Variants in MYLK observed in about 807,000 individuals in gnomAD.
MYLK encodes myosin light chain kinase, smooth muscle.
A neutral mutation model predicts 203.4 loss-of-function variants in MYLK; 106 were observed. The observed-to-expected ratio is 0.52, with a 90% CI of 0.45 to 0.61. MYLK has a LOEUF of 0.61. Among genes scored for constraint, MYLK ranks in the 20% least tolerant of loss-of-function variants. The pLI, the probability that MYLK is intolerant of heterozygous loss-of-function variation, is 0.00. For missense variants in MYLK, 2,072 were observed against 2,442.3 expected (o/e 0.85, Z 3.20); for synonymous variants, 867 against 959.5 (o/e 0.90, Z 1.78).
At chr3:123,701,654 A>T (rs1341851915) in intron 16 of MYLK, 145 bp from the exon 17 acceptor site, 2 of 762,196 alleles carry the variant, frequency 2.6e-6, no homozygotes, top group Non-Finnish European at 4.6e-6. Context: ...CCTTAGATTT[A>T]GGGCAGGACC....
intron 4 of MYLK, among the ~76,000 whole-genome samples, chr3:123,779,886 A>C (rs1560207167): frequency 6.6e-6 from 1 of 152,322 alleles, no homozygotes; most frequent in East Asian, 1.9e-4. Flanking sequence ...GTTGATGTGC[A>C]TGTAGAGGGT....
In MYLK at chr3:123,782,939, A is replaced by G. The variant is rs190871612; in HGVS notation, c.165+10738T>C. On this transcript the variant is annotated intron_variant, in intron 4 of 33. Coordinates refer to ENST00000360304, the MANE Select transcript of MYLK (RefSeq NM_053025.4). ...TAGTGAACACATTGATGGATTTTCT[A>G]TGGTTGTGATCAGAGTGTGCACAGT... Among the ~76,000 whole-genome samples the G allele has an allele frequency of 2.6e-4, 40 of 152,342 alleles. No homozygotes were observed. In the East Asian group the frequency reaches 7.5e-3, roughly 29 times the overall value.
chr3:123,752,139 C>T (rs1057335457), intron 5 of MYLK, among the ~76,000 whole-genome samples, 192 bp downstream of exon 5: 1 of 152,110 alleles, frequency 6.6e-6, no homozygotes, highest in African/African-American at 2.4e-5. Context: ...CAAACATCAT[C>T]TCCTGGATGC....
At chr3:123,862,448 A>G (rs1003270831) in intron 2 of MYLK, among the ~76,000 whole-genome samples, 2 of 152,196 alleles carry the variant, frequency 1.3e-5, no homozygotes, top group African/African-American at 2.4e-5. Flanking sequence ...ATGAGGAAAA[A>G]TGAGGCACAG....
chr3:123,872,597 C>A (rs2032873651), intron 2 of MYLK, among the ~76,000 whole-genome samples: 1 of 152,164 alleles, frequency 6.6e-6, no homozygotes, highest in Non-Finnish European at 1.5e-5. Context: ...AACTTGAGAG[C>A]CCTCTTTCCT....
chr3:123,698,255 A>C (rs1215180412), intron 18 of MYLK, among the ~76,000 whole-genome samples: 1 of 152,154 alleles, frequency 6.6e-6, no homozygotes, highest in Non-Finnish European at 1.5e-5. Context: ...TGAGAACCTG[A>C]AATCCACTAG....
At chr3:123,659,595 G>T in intron 23 of MYLK, 1 of 458,464 alleles carries the variant, frequency 2.2e-6, no homozygotes, top group Non-Finnish European at 4.4e-6. Flanking sequence ...TCCTCCACCT[G>T]CCTTTAGAGC....
chr3:123,804,545 C>G (rs974773693), intron 3 of MYLK, among the ~76,000 whole-genome samples: 2 of 152,180 alleles, frequency 1.3e-5, no homozygotes, highest in Admixed American at 6.5e-5. Context: ...GGTTCTCTAC[C>G]TGCAGACTGT....
chr3:123,815,186 C>T (rs375140861), intron 3 of MYLK, among the ~76,000 whole-genome samples: 6 of 152,144 alleles, frequency 3.9e-5, no homozygotes, highest in African/African-American at 7.2e-5. Flanking sequence ...TTTTATGGCT[C>T]TTGCATCCAG....
chr3:123,634,316 C>T lies in MYLK; in HGVS notation c.4961+3755G>A, dbSNP rs551988355. ...CCAGGCTCAGCAGCAGAGAGGGCAGCGGCAGCCCCAGGTGGGGAAGGCAGA... is the reference window on the plus strand; with the variant it reads ...CCAGGCTCAGCAGCAGAGAGGGCAGTGGCAGCCCCAGGTGGGGAAGGCAGA... On this transcript the variant is annotated intron_variant, in intron 29 of 33. Transcript: ENST00000360304. 5.9e-5 allele frequency among the ~76,000 whole-genome samples: 9 copies of T among 152,268 alleles called. No individual in the cohort carries two copies. In the East Asian group the frequency reaches 1.5e-3, roughly 26 times the overall value.
chr3:123,801,960 G>A (rs2065212300), intron 3 of MYLK, among the ~76,000 whole-genome samples: 1 of 152,200 alleles, frequency 6.6e-6, no homozygotes, highest in East Asian at 1.9e-4. Context: ...GAGATTGCTG[G>A]GTCTAACGGT....
intron 13 of MYLK, chr3:123,716,058 A>T (rs1247076984): frequency 6.6e-6 from 1 of 152,230 alleles, no homozygotes; most frequent in Non-Finnish European, 1.5e-5. Context: ...TATACTATGG[A>T]AATTCAACAG....
intron 4 of MYLK, among the ~76,000 whole-genome samples, chr3:123,788,964 A>T (rs1291262073): frequency 6.6e-6 from 1 of 152,118 alleles, no homozygotes; most frequent in Non-Finnish European, 1.5e-5. Flanking sequence ...TGATAAGAAT[A>T]AATTCCAGGG....
At position 123,610,507 on chromosome 3, in the gene MYLK, T is replaced by C. The variant is rs1163733590; in HGVS notation, c.*3598A>G. ...GAGGCTTGTACCAGCACATAAATGC[T>C]CTGGTCCCGAGGGTACATACATCAC... On this transcript the variant is annotated 3_prime_UTR_variant, in exon 34 of 34. Transcript: ENST00000360304. 1 of 152,198 alleles carries C rather than the reference T, an allele frequency of 6.6e-6. No individual in the cohort carries two copies. Among genetic ancestry groups the C allele is most frequent in the Non-Finnish European group, 1.5e-5 (1 of 68,040 alleles). The allele number at this position is 152,198 out of a possible 1,614,324, so 9.4% of individuals were successfully genotyped here.
intron 33 of MYLK, chr3:123,618,347 G>A (rs975837942): frequency 1.7e-5 from 7 of 409,254 alleles, no homozygotes; most frequent in Non-Finnish European, 4.6e-6. Flanking sequence ...TCCAAAGCCA[G>A]GTAAGTCCAT....
chr3:123,640,672 C>T lies in MYLK; in HGVS notation c.4620-168G>A, dbSNP rs900327892. On this transcript the variant is annotated intron_variant, in intron 27 of 33. Transcript: ENST00000360304. The surrounding 1 kb of genome is among the most constrained non-coding windows in gnomAD (Gnocchi z 4.3). ...CCACCCTCCGACATGGGAGAAGGGTCAGGGCCTCCTGGTTTCCCATCAGGG... is the reference window on the plus strand; with the variant it reads ...CCACCCTCCGACATGGGAGAAGGGTTAGGGCCTCCTGGTTTCCCATCAGGG... 1.3e-5 allele frequency among the ~76,000 whole-genome samples: 2 copies of T among 152,126 alleles called. No homozygotes were observed. The highest frequency in any genetic ancestry group is 2.4e-5 in the African/African-American group (1 of 41,434).
intron 27 of MYLK, among the ~76,000 whole-genome samples, chr3:123,646,067 T>G (rs933959556): frequency 6.6e-6 from 1 of 152,122 alleles, no homozygotes; most frequent in Admixed American, 6.5e-5. Flanking sequence ...GAGGTTGCAA[T>G]AAGCCGAGAT....
At chr3:123,753,767 G>A (rs2063279616) in intron 4 of MYLK, among the ~76,000 whole-genome samples, 2 of 152,156 alleles carry the variant, frequency 1.3e-5, no homozygotes, top group African/African-American at 4.8e-5. Flanking sequence ...CCCAGAATTG[G>A]GGATTTTAGC....
At chr3:123,862,172 C>T (rs2148691174) in intron 2 of MYLK, among the ~76,000 whole-genome samples, 1 of 152,320 alleles carries the variant, frequency 6.6e-6, no homozygotes, top group East Asian at 1.9e-4. Context: ...AGCTCATGGT[C>T]CTAGCTTCTT....
Sources: allele counts gnomAD v4.1 joint callset (sites outside exome capture counted in the v4.1 genomes callset), GRCh38; gene constraint gnomAD v4.1.1; non-coding constraint Gnocchi (gnomAD v3.1); transcripts MANE v1.5; gene names NCBI Gene and HGNC (gene_info 2026-07-23, HGNC 2026-07-21).